Variants in UST observed in about 807,000 individuals in gnomAD.
UST encodes uronyl 2-sulfotransferase.
UST carries 21 observed loss-of-function variants against 45.6 expected under a neutral mutation model. The observed-to-expected ratio is 0.46, with a 90% CI of 0.33 to 0.66. The LOEUF (loss-of-function observed/expected upper bound fraction) is 0.66, where lower values mean the gene tolerates loss of function less well. Ranked by LOEUF, UST falls within the 30% of genes least tolerant of loss-of-function variation. The pLI is 0.02. For synonymous variants in UST, 215 were observed against 200.6 expected, an observed-to-expected ratio of 1.07 and a Z score of -0.61; for missense variants, 463 against 512.4, an observed-to-expected ratio of 0.90 and a Z score of 0.93.
intron 1 of UST, among the ~76,000 whole-genome samples, chr6:148,786,617 TTTTC>T (rs1217550857): frequency 6.6e-6 from 1 of 152,240 alleles, no homozygotes; most frequent in Non-Finnish European, 1.5e-5. Context: ...TTGTGCCACA[TTTTC>T]TTTATCAAGT....
At chr6:149,010,478 C>T (rs577412750) in intron 5 of UST, among the ~76,000 whole-genome samples, 56 of 152,282 alleles carry the variant, frequency 3.7e-4, no homozygotes, top group African/African-American at 1.3e-3. Flanking sequence ...TGCCCACAGG[C>T]ATCTCAAATG....
chr6:149,071,225 A>G (rs1410858222), intron 7 of UST, among the ~76,000 whole-genome samples: 2 of 152,148 alleles, frequency 1.3e-5, no homozygotes, highest in African/African-American at 2.4e-5. Context: ...GCCTCTACAT[A>G]GAGAATTTTT....
intron 1 of UST, among the ~76,000 whole-genome samples, chr6:148,814,416 T>C (rs188341538): frequency 6.6e-6 from 1 of 152,234 alleles, no homozygotes; most frequent in African/African-American, 2.4e-5. Flanking sequence ...TGTAGGGGCA[T>C]GTGAGCCAGT....
At chr6:148,864,914 T>C (rs1778397475) in intron 1 of UST, among the ~76,000 whole-genome samples, 1 of 152,204 alleles carries the variant, frequency 6.6e-6, no homozygotes, top group Non-Finnish European at 1.5e-5. Context: ...CCACAAGTGC[T>C]AATAAAAATT....
Position 148,932,896 on chromosome 6 carries a change from T to C in UST, c.292-8383T>C, listed in dbSNP as rs149814188. Among the ~76,000 whole-genome samples the C allele has an allele frequency of 9.8e-5, 15 of 152,314 alleles. No homozygotes were observed. In the East Asian group the frequency reaches 2.9e-3, roughly 29 times the overall value. On this transcript the variant is annotated intron_variant, in intron 2 of 7. Transcript: ENST00000367463. ...TAACCCTGTGGTCATCCCTAAGTAT[T>C]GTGTAGCCCTCGGTTAACATATGGC...
chr6:148,932,442 C>G (rs1779939518), intron 2 of UST, among the ~76,000 whole-genome samples: 1 of 152,210 alleles, frequency 6.6e-6, no homozygotes, highest in African/African-American at 2.4e-5. Context: ...TGCTTTTTGC[C>G]TATTATTTGT....
At chr6:148,824,674 C>CTTTTTTTTT (rs535345402) in intron 1 of UST, among the ~76,000 whole-genome samples, 1 of 133,374 alleles carries the variant, frequency 7.5e-6, no homozygotes, top group Admixed American at 7.4e-5. Context: ...TATTTTCTTT[C>CTTTTTTTTT]TTTTTTTTTT....
chr6:148,940,076 A>G (rs1017278337), intron 2 of UST, among the ~76,000 whole-genome samples: 2 of 152,236 alleles, frequency 1.3e-5, no homozygotes, highest in Non-Finnish European at 2.9e-5. Flanking sequence ...AAATATACAA[A>G]TGGCCAATAA....
chr6:149,049,923 TCTCTCTCTCACACA>T (rs755877329), intron 7 of UST, among the ~76,000 whole-genome samples: 5 of 102,978 alleles, frequency 4.9e-5, no homozygotes, highest in African/African-American at 1.7e-4. Context: ...TCTCTCTCTC[TCTCTCTCTCACACA>T]CACACACACA....
chr6:149,023,413 G>A (rs1776008807), intron 7 of UST, among the ~76,000 whole-genome samples: 1 of 152,148 alleles, frequency 6.6e-6, no homozygotes, highest in African/African-American at 2.4e-5. Flanking sequence ...CCCCAGTCAA[G>A]CCTTCAGATA....
chr6:148,858,126 G>A (rs752297427), intron 1 of UST, among the ~76,000 whole-genome samples: 2 of 152,126 alleles, frequency 1.3e-5, no homozygotes, highest in Non-Finnish European at 2.9e-5. Flanking sequence ...TATATATGAA[G>A]GGAGTTTATT....
At chr6:148,894,824 T>TC (rs1779088931) in intron 2 of UST, among the ~76,000 whole-genome samples, 1 of 116,534 alleles carries the variant, frequency 8.6e-6, no homozygotes, top group African/African-American at 3.9e-5. Context: ...CTTTTTTTTT[T>TC]TTTTTTTTTT....
chr6:148,851,590 T>G (rs1778107128), intron 1 of UST, among the ~76,000 whole-genome samples: 1 of 152,230 alleles, frequency 6.6e-6, no homozygotes, highest in Non-Finnish European at 1.5e-5. Flanking sequence ...CTAAGCAGAC[T>G]GTTGGCAAAC....
intron 5 of UST, chr6:148,993,002 G>A: frequency 1.0e-6 from 1 of 985,430 alleles, no homozygotes; most frequent in South Asian, 4.7e-5. Flanking sequence ...GGGCGGCTCA[G>A]CATTCAAGGC....
At chr6:148,868,218 G>C (rs967703609) in intron 1 of UST, among the ~76,000 whole-genome samples, 2 of 152,222 alleles carry the variant, frequency 1.3e-5, no homozygotes, top group African/African-American at 2.4e-5. Flanking sequence ...GTTTTCTGCT[G>C]TTGGGGAAAA....
intron 1 of UST, among the ~76,000 whole-genome samples, chr6:148,819,977 A>T (rs570782329): frequency 6.6e-6 from 1 of 152,180 alleles, no homozygotes; most frequent in East Asian, 1.9e-4. Context: ...CCGAAGGCCC[A>T]TCTGTACCCA....
chr6:149,058,891 G>C (rs1266335071), intron 7 of UST, among the ~76,000 whole-genome samples: 1 of 152,048 alleles, frequency 6.6e-6, no homozygotes, highest in Non-Finnish European at 1.5e-5. Context: ...ACTGTGCTGA[G>C]GAAAACACAC....
chr6:149,056,181 G>GATC (rs1562341731), intron 7 of UST, among the ~76,000 whole-genome samples: 2 of 137,922 alleles, frequency 1.5e-5, no homozygotes, highest in African/African-American at 2.7e-5. Context: ...GTGCGGTGGC[G>GATC]TTAGCTCACT....
chr6:148,770,702 C>A (rs1205800829), intron 1 of UST, among the ~76,000 whole-genome samples: 2 of 152,152 alleles, frequency 1.3e-5, no homozygotes, highest in Non-Finnish European at 2.9e-5. Flanking sequence ...TTTGTTGTCA[C>A]GTGCACCTCT....
Sources: allele counts gnomAD v4.1 joint callset (sites outside exome capture counted in the v4.1 genomes callset), GRCh38; gene constraint gnomAD v4.1.1; transcripts MANE v1.5; gene names NCBI Gene and HGNC (gene_info 2026-07-23, HGNC 2026-07-21).